The following EYA2 variants were observed in gnomAD, a reference collection of about 807,000 sequenced individuals.
EYA2 encodes the protein EYA transcriptional coactivator and phosphatase 2, also known as protein phosphatase EYA2.
A neutral mutation model predicts 69.2 loss-of-function variants in EYA2; 31 were observed. The ratio of observed to expected loss-of-function variants is 0.45; its 90% CI spans 0.34 to 0.60. The LOEUF (loss-of-function observed/expected upper bound fraction) is 0.60, where lower values mean the gene tolerates loss of function less well. EYA2 is among the 20% of genes least tolerant of loss of function. EYA2 has a pLI of 0.02. For synonymous variants in EYA2, 257 were observed against 279.4 expected, an observed-to-expected ratio of 0.92 and a Z score of 0.80; for missense variants, 622 against 701.2, an observed-to-expected ratio of 0.89 and a Z score of 1.28.
chr20:47,182,628 T>TCAAAAAAAAAAAAAAAAA lies in EYA2; in HGVS notation c.1436-663_1436-662insCAAAAAAAAAAAAAAAAA, dbSNP rs779945744. ...TGGGCAACAAGAACGAGACTCCGTC[T>TCAAAAAAAAAAAAAAAAA]AAAAAAAAAAAAAAAAGGTTAAGAT... On this transcript the variant is annotated intron_variant, in intron 14 of 15. Coordinates refer to ENST00000327619, the MANE Select transcript of EYA2 (RefSeq NM_005244.5). Among the ~76,000 whole-genome samples the TCAAAAAAAAAAAAAAAAA allele has an allele frequency of 1.1e-3, 92 of 84,324 alleles. 18 individuals are homozygous for TCAAAAAAAAAAAAAAAAA. Among genetic ancestry groups the TCAAAAAAAAAAAAAAAAA allele is most frequent in the Admixed American group, 2.2e-3 (18 of 8,312 alleles). 55.3% of individuals were successfully genotyped at this position (84,324 alleles called of 152,430 possible). A position where few individuals can be genotyped will look rare whatever the true frequency, so the allele number is the denominator to read the frequency against.
At chr20:46,965,947 C>T (rs1979751045) in intron 1 of EYA2, among the ~76,000 whole-genome samples, 1 of 152,242 alleles carries the variant, frequency 6.6e-6, no homozygotes, top group Non-Finnish European at 1.5e-5. Context: ...GCAGAGCTGG[C>T]TGTGTTCACG....
At chr20:47,095,023 T>A (rs926828366) in intron 8 of EYA2, among the ~76,000 whole-genome samples, 1 of 144,826 alleles carries the variant, frequency 6.9e-6, no homozygotes, top group African/African-American at 2.4e-5. Flanking sequence ...CAAAAAAAAT[T>A]TTTTTAATTA....
At chr20:46,906,056 A>G (rs1262560204) in intron 1 of EYA2, among the ~76,000 whole-genome samples, 1 of 152,212 alleles carries the variant, frequency 6.6e-6, no homozygotes, top group African/African-American at 2.4e-5. Flanking sequence ...TGAAATGTAC[A>G]TGGACATTTT....
chr20:47,010,113 T>C (rs1982964916), intron 4 of EYA2, among the ~76,000 whole-genome samples: 1 of 152,254 alleles, frequency 6.6e-6, no homozygotes, highest in Non-Finnish European at 1.5e-5. Context: ...TCTTTGTGCA[T>C]TTCTCAGGGG....
chr20:47,143,582 T>C (rs1440150944), intron 10 of EYA2, among the ~76,000 whole-genome samples: 1 of 152,168 alleles, frequency 6.6e-6, no homozygotes, highest in Admixed American at 6.5e-5. Context: ...CCTGAAAGCA[T>C]GTTTTATAAA....
intron 1 of EYA2, among the ~76,000 whole-genome samples, chr20:46,899,446 T>C (rs1008451617): frequency 6.6e-6 from 1 of 152,198 alleles, no homozygotes; most frequent in Admixed American, 6.5e-5. Flanking sequence ...AAATGACGGT[T>C]TATTTAAGGG....
intron 1 of EYA2, among the ~76,000 whole-genome samples, chr20:46,956,274 C>T (rs1293814730): frequency 6.6e-6 from 1 of 152,186 alleles, no homozygotes; most frequent in Non-Finnish European, 1.5e-5. Flanking sequence ...TGGGTATAAC[C>T]CCTACTTATT....
intron 10 of EYA2, among the ~76,000 whole-genome samples, chr20:47,158,238 G>T (rs2033995861): frequency 6.6e-6 from 1 of 151,944 alleles, no homozygotes; most frequent in South Asian, 2.1e-4. Flanking sequence ...AGACTGTCTG[G>T]GTGCAGTGGC....
intron 9 of EYA2, among the ~76,000 whole-genome samples, chr20:47,140,760 T>C (rs2033577321): frequency 1.3e-5 from 2 of 152,336 alleles, no homozygotes; most frequent in East Asian, 3.9e-4. Flanking sequence ...ATAGAGTACC[T>C]GAGGCTGGAT....
intron 5 of EYA2, among the ~76,000 whole-genome samples, chr20:47,037,112 A>G (rs919592328): frequency 6.6e-6 from 1 of 152,062 alleles, no homozygotes; most frequent in Admixed American, 6.6e-5. Flanking sequence ...GTGCCAAGAG[A>G]AGCAAGGAGG....
intron 9 of EYA2, among the ~76,000 whole-genome samples, chr20:47,128,083 G>A (rs1452670549): frequency 6.6e-6 from 1 of 152,178 alleles, no homozygotes; most frequent in African/African-American, 2.4e-5. Flanking sequence ...AAGTAAGTGA[G>A]GGGAAAGGCT....
At chr20:47,004,819 G>A in intron 3 of EYA2, 123 bp from the exon 4 acceptor site, 3 of 1,282,828 alleles carry the variant, frequency 2.3e-6, no homozygotes, top group Non-Finnish European at 3.4e-6. Context: ...TGGTGAACAT[G>A]TATGTTGTCT....
At chr20:47,050,524 G>A (rs2030279296) in intron 5 of EYA2, among the ~76,000 whole-genome samples, 1 of 152,228 alleles carries the variant, frequency 6.6e-6, no homozygotes, top group Admixed American at 6.5e-5. Context: ...GAGATGATCA[G>A]GGAAGGGGAA....
chr20:47,011,247 G>A (rs551990513), intron 4 of EYA2, among the ~76,000 whole-genome samples: 1 of 152,258 alleles, frequency 6.6e-6, no homozygotes, highest in Non-Finnish European at 1.5e-5. Flanking sequence ...AAAGCAGAGG[G>A]CACCTGCCTC....
chr20:46,931,686 T>G (rs1178510268), intron 1 of EYA2, among the ~76,000 whole-genome samples: 1 of 152,134 alleles, frequency 6.6e-6, no homozygotes, highest in Non-Finnish European at 1.5e-5. Flanking sequence ...GTGGCATCAT[T>G]CAGGGCACCA....
rs1568708774 is a variant in EYA2 at position 46,990,055 on chromosome 20, T to A, written c.45T>A (p.Asp15Glu). 6.2e-7 allele frequency: 1 copy of A among 1,612,960 alleles called. No homozygotes were observed. The highest frequency in any genetic ancestry group is 8.5e-7 in the Non-Finnish European group (1 of 1,178,968). ...CACCCAGCCTCACTGTAAACAGCGATTGTCTGGATAAACTGAAGTTTAACC... is the reference window on the plus strand; with the variant it reads ...CACCCAGCCTCACTGTAAACAGCGAATGTCTGGATAAACTGAAGTTTAACC... The part of the protein sequence containing the change: ...VISPSLTVNS[D>E]CLDKLKFNRA... Residue 15 changes from aspartate to glutamate, a missense_variant, in exon 2 of 16, where the codon GAT (aspartate) becomes GAA (glutamate). Physicochemically the swap from Asp to Glu is conservative, Grantham distance 45. Around this residue, in one of 2 missense-constraint regions of EYA2, gnomAD observed 365 missense variants for 349.7 expected, o/e 1.04. Transcript: ENST00000327619.
intron 7 of EYA2, among the ~76,000 whole-genome samples, chr20:47,078,180 G>A (rs1427164845): frequency 6.6e-6 from 1 of 152,170 alleles, no homozygotes; most frequent in Non-Finnish European, 1.5e-5. Flanking sequence ...GGTTGAGATG[G>A]TTTTTACTGT....
intron 5 of EYA2, among the ~76,000 whole-genome samples, chr20:47,066,848 C>T (rs1373783303): frequency 3.9e-5 from 6 of 152,186 alleles, no homozygotes; most frequent in Admixed American, 3.3e-4. Context: ...TGCCTTCCCT[C>T]ACTGGGCATT....
chr20:47,108,493 C>T (rs1361498596), intron 9 of EYA2, among the ~76,000 whole-genome samples: 1 of 152,196 alleles, frequency 6.6e-6, no homozygotes, highest in Non-Finnish European at 1.5e-5. Context: ...TTTATCAATT[C>T]CCTAGCCTCA....
Sources: allele counts gnomAD v4.1 joint callset (sites outside exome capture counted in the v4.1 genomes callset), GRCh38; gene constraint gnomAD v4.1.1; regional missense constraint gnomAD v4.1.1; transcripts MANE v1.5; gene names NCBI Gene and HGNC (gene_info 2026-07-23, HGNC 2026-07-21).